The following LRRC37A2 variants were observed in gnomAD, a reference collection of about 807,000 sequenced individuals.
LRRC37A2 encodes leucine-rich repeat-containing protein 37A2.
LRRC37A2 carries 9 observed loss-of-function variants against 68.8 expected under a neutral mutation model. The ratio of observed to expected loss-of-function variants is 0.13; its 90% CI spans 0.08 to 0.23. The LOEUF (loss-of-function observed/expected upper bound fraction) is 0.23, where lower values mean the gene tolerates loss of function less well. Among genes scored for constraint, LRRC37A2 ranks in the 10% least tolerant of loss-of-function variants. The pLI, the probability that LRRC37A2 is intolerant of heterozygous loss-of-function variation, is 1.00. For synonymous variants in LRRC37A2, 63 were observed against 367.6 expected (o/e 0.17, Z 9.48); for missense variants, 168 against 950.4 (o/e 0.18, Z 10.82).
At chr17:46,979,434 G>A in the LRRC37A2 span, among the ~76,000 whole-genome samples, 2 of 152,194 alleles carry the variant, frequency 1.3e-5, no homozygotes, top group Non-Finnish European at 2.9e-5. Context: ...CTGTCCGCGG[G>A]CCGGCGAAAC....
At chr17:46,543,494 T>C (rs1009256869) in intron 8 of LRRC37A2, among the ~76,000 whole-genome samples, 7 of 150,930 alleles carry the variant, frequency 4.6e-5, no homozygotes, top group African/African-American at 1.7e-4. Flanking sequence ...AAAATGTGTA[T>C]ACGGACCGCA....
the LRRC37A2 span, among the ~76,000 whole-genome samples, chr17:46,714,669 T>C: frequency 0.97 from 148,491 of 152,336 alleles, 72,463 homozygotes; most frequent in East Asian, 1. Flanking sequence ...GATGAAGACT[T>C]TAAATGGCTG....
At chr17:47,008,101 A>T in the LRRC37A2 span, among the ~76,000 whole-genome samples, 1 of 151,146 alleles carries the variant, frequency 6.6e-6, no homozygotes, top group African/African-American at 2.4e-5. Flanking sequence ...TTGATGTACA[A>T]ATTTAATTAA....
At chr17:46,859,987 A>G in the LRRC37A2 span, among the ~76,000 whole-genome samples, 1 of 152,200 alleles carries the variant, frequency 6.6e-6, no homozygotes, top group Admixed American at 6.6e-5. Context: ...ATTTTTAGAA[A>G]TTGAATTGGG....
the LRRC37A2 span, among the ~76,000 whole-genome samples, chr17:46,824,798 G>T: frequency 2.6e-5 from 4 of 152,170 alleles, no homozygotes; most frequent in Non-Finnish European, 5.9e-5. Flanking sequence ...GGCCCCTCAG[G>T]GTCCTCAGTG....
chr17:47,036,774 T>G, the LRRC37A2 span, among the ~76,000 whole-genome samples: 441 of 151,230 alleles, frequency 2.9e-3, 2 homozygotes, highest in African/African-American at 0.01. Flanking sequence ...GACATTTGAG[T>G]CTTCCCACTT....
At chr17:46,728,601 A>T in the LRRC37A2 span, among the ~76,000 whole-genome samples, 1 of 152,110 alleles carries the variant, frequency 6.6e-6, no homozygotes, top group African/African-American at 2.4e-5. Flanking sequence ...CTGTCTCAAA[A>T]AAAAAGTTAC....
At chr17:47,027,979 G>T in the LRRC37A2 span, among the ~76,000 whole-genome samples, 13 of 152,260 alleles carry the variant, frequency 8.5e-5, no homozygotes, top group East Asian at 2.5e-3. Context: ...AAACCCCCAT[G>T]GCAAAGAGTT....
At chr17:46,776,855 G>A in the LRRC37A2 span, among the ~76,000 whole-genome samples, 6 of 152,084 alleles carry the variant, frequency 3.9e-5, no homozygotes, top group African/African-American at 1.4e-4. Flanking sequence ...AGAGGCACTC[G>A]GAGACCCTTC....
the LRRC37A2 span, among the ~76,000 whole-genome samples, chr17:46,827,022 C>T: frequency 6.6e-6 from 1 of 152,164 alleles, no homozygotes; most frequent in Admixed American, 6.5e-5. Flanking sequence ...AATGATCCAC[C>T]CACCTCAGCT....
At chr17:46,841,901 G>A in the LRRC37A2 span, among the ~76,000 whole-genome samples, 268 of 152,356 alleles carry the variant, frequency 1.8e-3, 1 homozygote, top group African/African-American at 6.2e-3. Context: ...CGGTGTGTGG[G>A]GGGGTCTCTG....
the LRRC37A2 span, chr17:46,713,765 G>A: frequency 7.8e-7 from 1 of 1,288,168 alleles, no homozygotes; most frequent in Non-Finnish European, 1.1e-6. Flanking sequence ...CGAGACCTCA[G>A]TATGTTCTGG....
At chr17:46,945,077 A>T in the LRRC37A2 span, among the ~76,000 whole-genome samples, 2 of 152,162 alleles carry the variant, frequency 1.3e-5, no homozygotes, top group Non-Finnish European at 2.9e-5. Flanking sequence ...TGGGGGCATT[A>T]ACCAGGAAGA....
chr17:46,911,810 T>A, the LRRC37A2 span, among the ~76,000 whole-genome samples: 1 of 152,146 alleles, frequency 6.6e-6, no homozygotes, highest in Non-Finnish European at 1.5e-5. Context: ...CTTGAACTGG[T>A]AGGCAGAGGT....
the LRRC37A2 span, among the ~76,000 whole-genome samples, chr17:46,625,665 CAT>C: frequency 6.5e-5 from 4 of 61,776 alleles, no homozygotes; most frequent in African/African-American, 3.6e-4. Flanking sequence ...ATATAAGGAA[CAT>C]GTGTTCTAGT....
the LRRC37A2 span, chr17:46,978,974 C>G: frequency 1.5e-5 from 22 of 1,449,372 alleles, no homozygotes; most frequent in Non-Finnish European, 2.0e-5. Flanking sequence ...TCCACCTCCT[C>G]CAAGCCGCTG....
the LRRC37A2 span, among the ~76,000 whole-genome samples, chr17:46,494,379 C>T: frequency 6.7e-6 from 1 of 148,272 alleles, no homozygotes; most frequent in African/African-American, 2.6e-5. Context: ...CCTTGCCAGA[C>T]TTTTTCTGTA....
the LRRC37A2 span, among the ~76,000 whole-genome samples, chr17:46,991,355 G>A: frequency 6.6e-6 from 1 of 152,116 alleles, no homozygotes; most frequent in African/African-American, 2.4e-5. Context: ...GGCCAGGCAC[G>A]GTGGTTCACG....
the LRRC37A2 span, among the ~76,000 whole-genome samples, chr17:46,696,456 C>A: frequency 1.5e-5 from 2 of 136,518 alleles, 1 homozygote; most frequent in African/African-American, 6.2e-5. Flanking sequence ...GAGAAACCTT[C>A]ATATGCATGT....
Sources: allele counts gnomAD v4.1 joint callset (sites outside exome capture counted in the v4.1 genomes callset), GRCh38; gene constraint gnomAD v4.1.1; transcripts MANE v1.5; gene names NCBI Gene and HGNC (gene_info 2026-07-23, HGNC 2026-07-21).